Variants in THRAP3 observed in about 807,000 individuals in gnomAD.
THRAP3 encodes the protein thyroid hormone receptor-associated protein 3.
Under a neutral mutation model 101.0 loss-of-function variants are expected in THRAP3, and 16 were observed. The observed-to-expected ratio is 0.16, with a 90% confidence interval of 0.11 to 0.24. The LOEUF (loss-of-function observed/expected upper bound fraction) is 0.24. THRAP3 is among the 10% of genes least tolerant of loss of function. THRAP3 has a pLI of 1.00. For synonymous variants in THRAP3, 407 were observed against 422.6 expected (o/e 0.96, Z 0.45); for missense variants, 989 against 1,202.7 (o/e 0.82, Z 2.63).
At chr1:36,207,886 G>A in the THRAP3 span, among the ~76,000 whole-genome samples, 8 of 152,048 alleles carry the variant, frequency 5.3e-5, no homozygotes, top group African/African-American at 7.2e-5. Context: ...TCAGCCTCCC[G>A]GGTTCAAGCG....
At position 36,289,185 on chromosome 1, in the gene THRAP3, A is replaced by T. The variant is rs1645832736; in HGVS notation, c.1166A>T (p.Lys389Ile). The change falls in exon 5 of 12, where the codon AAA (lysine) becomes ATA (isoleucine). Residue 389 changes from lysine to isoleucine, a missense_variant. Coordinates refer to ENST00000354618, the MANE Select transcript of THRAP3 (RefSeq NM_005119.4). ...ACAGGCTTGGGTGATGGAAAAATGA[A>T]ATCTGATTCTTTTGCTCCCAAAACT... is the stretch of plus-strand genomic sequence containing the variant. ...SDTGLGDGKM[K>I]SDSFAPKTDS... The T allele has an allele frequency of 6.2e-7, 1 of 1,614,168 alleles. No individual in the cohort carries two copies. Among genetic ancestry groups the T allele is most frequent in the Admixed American group, 1.7e-5 (1 of 60,014 alleles).
intron 2 of THRAP3, 146 bp from the exon 3 acceptor site, chr1:36,282,387 T>TA (rs199829514): frequency 7.4e-5 from 43 of 579,992 alleles, no homozygotes; most frequent in East Asian, 2.4e-4. Context: ...ACTGGCTAAT[T>TA]AAAAAAAAAT....
intron 1 of THRAP3, among the ~76,000 whole-genome samples, chr1:36,236,626 ATCT>A (rs1362808437): frequency 6.6e-6 from 1 of 152,090 alleles, no homozygotes; most frequent in Admixed American, 6.6e-5. Flanking sequence ...CTTTGTCAGC[ATCT>A]TCTGCCGGGG....
intron 1 of THRAP3, among the ~76,000 whole-genome samples, chr1:36,252,944 A>ATG (rs1387411182): frequency 2.6e-5 from 3 of 113,836 alleles, no homozygotes; most frequent in African/African-American, 9.7e-5. Flanking sequence ...ATATATATAT[A>ATG]TATATATATA....
intron 1 of THRAP3, among the ~76,000 whole-genome samples, chr1:36,230,933 A>G (rs944295703): frequency 6.6e-6 from 1 of 152,176 alleles, no homozygotes; most frequent in East Asian, 1.9e-4. Flanking sequence ...TGCAGCAACC[A>G]TCTTTTATAG....
intron 1 of THRAP3, among the ~76,000 whole-genome samples, chr1:36,241,383 G>GTGTA (rs1553192285): frequency 1.5e-5 from 2 of 132,104 alleles, no homozygotes; most frequent in African/African-American, 6.3e-5. Flanking sequence ...ATGATAATGG[G>GTGTA]TGTATATATA....
At position 36,304,059 on chromosome 1, in the gene THRAP3, C is replaced by T; in HGVS notation, c.*42C>T. 5 of 1,461,134 alleles carry T rather than the reference C, an allele frequency of 3.4e-6. No homozygotes were observed. Among genetic ancestry groups the T allele is most frequent in the Non-Finnish European group, 4.5e-6 (5 of 1,105,382 alleles). The allele number at this position is 1,461,134 out of a possible 1,614,324, so 90.5% of individuals were successfully genotyped here. ...GATTCCTGCCCAGGGGAGAGAGGCG[C>T]TGGGAAGATGGCTGGTGAGGAGCTT... On this transcript the variant is annotated 3_prime_UTR_variant, in exon 12 of 12. Coordinates refer to ENST00000354618, the MANE Select transcript of THRAP3 (RefSeq NM_005119.4).
At chr1:36,282,442 G>T (rs1645744716) in intron 2 of THRAP3, 91 bp from the exon 3 acceptor site, 1 of 978,012 alleles carries the variant, frequency 1.0e-6, no homozygotes, top group Non-Finnish European at 1.5e-6. Flanking sequence ...AAGTTGCCCA[G>T]ATTAAAAGAA....
At chr1:36,237,568 C>T (rs959190151) in intron 1 of THRAP3, among the ~76,000 whole-genome samples, 12 of 151,238 alleles carry the variant, frequency 7.9e-5, no homozygotes, top group Non-Finnish European at 1.8e-4. Context: ...GTCAGGAGTT[C>T]AAGATCAGCC....
At chr1:36,273,990 CCAAGAT>C (rs1313920293) in intron 2 of THRAP3, among the ~76,000 whole-genome samples, 2 of 150,908 alleles carry the variant, frequency 1.3e-5, no homozygotes, top group Non-Finnish European at 2.9e-5. Context: ...CTGCAGTGAG[CCAAGAT>C]CACGCCACTG....
intron 4 of THRAP3, 34 bp downstream of exon 4, chr1:36,287,304 T>A (rs1478168244): frequency 9.7e-6 from 15 of 1,547,116 alleles, no homozygotes; most frequent in Non-Finnish European, 1.0e-5. Context: ...TGGTTGTGTT[T>A]TTATCTCACT....
At chr1:36,297,541 C>T (rs918437227) in intron 9 of THRAP3, among the ~76,000 whole-genome samples, 4 of 150,706 alleles carry the variant, frequency 2.7e-5, no homozygotes, top group East Asian at 2.0e-4. Context: ...CTCCGCCTCG[C>T]GGGTTCAAGC....
At chr1:36,253,459 A>AAT (rs2124463983) in intron 1 of THRAP3, among the ~76,000 whole-genome samples, 1 of 152,344 alleles carries the variant, frequency 6.6e-6, no homozygotes, top group Admixed American at 6.5e-5. Context: ...TGGAGATATC[A>AAT]CTTCTTGTTC....
In THRAP3 at chr1:36,292,806, T is replaced by TA. The variant is rs748237198; in HGVS notation, c.2030+98dup. 3.6e-4 allele frequency: 301 copies of TA among 834,856 alleles called. 1 individual carries two copies. The highest frequency in any genetic ancestry group is 5.2e-4 in the Non-Finnish European group (268 of 518,714). 51.7% of individuals were successfully genotyped at this position (834,856 alleles called of 1,614,324 possible). On this transcript the variant is annotated intron_variant, in intron 7 of 11. Coordinates refer to ENST00000354618, the MANE Select transcript of THRAP3 (RefSeq NM_005119.4). ...AATTCTGCTGCTAATGCACCTTTAA[T>TA]ACAAAATTTACAGTAACATCCTTCA...
At chr1:36,292,263 T>TA (rs1645883422) in intron 6 of THRAP3, among the ~76,000 whole-genome samples, 1 of 26,114 alleles carries the variant, frequency 3.8e-5, no homozygotes, top group African/African-American at 1.0e-4. Context: ...TTTCTTTGTT[T>TA]CTTTTTTTTT....
chr1:36,250,561 TAGTG>T (rs1413354186), intron 1 of THRAP3, among the ~76,000 whole-genome samples: 5 of 152,090 alleles, frequency 3.3e-5, no homozygotes, highest in Admixed American at 6.6e-5. Context: ...AGCCACGTAA[TAGTG>T]AGATTATTTA....
At chr1:36,278,097 C>G (rs1466690279) in intron 2 of THRAP3, among the ~76,000 whole-genome samples, 1 of 145,940 alleles carries the variant, frequency 6.9e-6, no homozygotes, top group Non-Finnish European at 1.5e-5. Context: ...CGGAGTCCTG[C>G]CTTGTTGCCC....
intron 8 of THRAP3, among the ~76,000 whole-genome samples, chr1:36,294,583 G>A (rs1297857744): frequency 6.6e-6 from 1 of 152,202 alleles, no homozygotes; most frequent in African/African-American, 2.4e-5. Flanking sequence ...CACATATACA[G>A]TTGAAATTTA....
At chr1:36,239,126 G>T (rs944289376) in intron 1 of THRAP3, among the ~76,000 whole-genome samples, 1 of 151,150 alleles carries the variant, frequency 6.6e-6, no homozygotes, top group African/African-American at 2.4e-5. Flanking sequence ...GGATGGTCTC[G>T]ATCTCCTGAG....
Sources: gnomAD v4.1 joint callset for allele counts (sites outside exome capture counted in the v4.1 genomes callset) on GRCh38, gnomAD v4.1.1 for gene constraint, MANE v1.5 for transcripts, NCBI Gene and HGNC (gene_info 2026-07-23, HGNC 2026-07-21) for gene names.